Variants in APIP observed in about 807,000 individuals in gnomAD.
APIP encodes the protein methylthioribulose-1-phosphate dehydratase.
APIP carries 32 observed loss-of-function variants against 32.0 expected under a neutral mutation model. The ratio of observed to expected loss-of-function variants is 1.00; its 90% CI spans 0.76 to 1.34. The LOEUF is 1.34. Among genes scored for constraint, APIP ranks in the 40% most tolerant of loss-of-function variants. The pLI is 0.00. For missense variants in APIP, 247 were observed against 298.6 expected (o/e 0.83, Z 1.27); for synonymous variants, 92 against 94.8 (o/e 0.97, Z 0.17).
chr11:34,883,924 G>A (rs985715726), intron 5 of APIP, among the ~76,000 whole-genome samples: 4 of 152,146 alleles, frequency 2.6e-5, no homozygotes, highest in African/African-American at 9.7e-5. Flanking sequence ...CAAAATCACT[G>A]TATTTCATTT....
chr11:34,900,776 A>G (rs1284843763), intron 1 of APIP, among the ~76,000 whole-genome samples: 1 of 152,100 alleles, frequency 6.6e-6, no homozygotes. Flanking sequence ...AACACCAGTA[A>G]CTCAGGAAAT....
chr11:34,910,091 A>G (rs184532880), intron 1 of APIP, among the ~76,000 whole-genome samples: 1 of 152,360 alleles, frequency 6.6e-6, no homozygotes, highest in East Asian at 1.9e-4. Context: ...GCTGTTGGGC[A>G]GCAGTAAGTG....
intron 2 of APIP, among the ~76,000 whole-genome samples, chr11:34,894,051 G>A (rs1050549639): frequency 5.3e-5 from 8 of 152,028 alleles, no homozygotes; most frequent in Non-Finnish European, 1.2e-4. Context: ...ATCCTGTATT[G>A]GAAATCCTTG....
At chr11:34,891,078 C>CT (rs35733050) in intron 2 of APIP, among the ~76,000 whole-genome samples, 2 of 152,138 alleles carry the variant, frequency 1.3e-5, no homozygotes. Context: ...CACTGGGCTA[C>CT]TTTTTGGATA....
intron 6 of APIP, among the ~76,000 whole-genome samples, chr11:34,883,053 A>T (rs966821428): frequency 6.6e-6 from 1 of 152,240 alleles, no homozygotes; most frequent in Non-Finnish European, 1.5e-5. Flanking sequence ...AGTTTAAAAT[A>T]TACTGCCTAC....
chr11:34,888,573 A>T lies in APIP; in HGVS notation c.326-145T>A, dbSNP rs535567205. The T allele has an allele frequency of 1.8e-5, 23 of 1,293,508 alleles. No individual in the cohort carries two copies. In the African/African-American group the frequency reaches 3.2e-4, roughly 18 times the overall value. The allele number at this position is 1,293,508 out of a possible 1,614,324, so 80.1% of individuals were successfully genotyped here. A position where few individuals can be genotyped will look rare whatever the true frequency, so the allele number is the denominator to read the frequency against. On this transcript the variant is annotated intron_variant, in intron 4 of 6. Transcript: ENST00000395787. ...ATGGAATAAGTTGGTAGTAGGCAGG[A>T]GGGTAAGTGGAATAATGGACCTTCC... is the stretch of plus-strand genomic sequence containing the variant.
chr11:34,894,781 T>C (rs553144706), intron 2 of APIP, among the ~76,000 whole-genome samples: 3 of 152,368 alleles, frequency 2.0e-5, no homozygotes, highest in Non-Finnish European at 4.4e-5. Flanking sequence ...TATTAAGTTA[T>C]TGTGATTTGA....
intron 1 of APIP, 99 bp from the exon 2 acceptor site, chr11:34,895,209 G>A: frequency 1.0e-6 from 1 of 1,001,074 alleles, no homozygotes; most frequent in South Asian, 1.4e-5. Flanking sequence ...GAAAGTTTAA[G>A]AAAACATACT....
At chr11:34,883,211 A>G (rs1485447313) in intron 6 of APIP, 126 bp downstream of exon 6, 1 of 1,020,738 alleles carries the variant, frequency 9.8e-7, no homozygotes, top group Non-Finnish European at 1.4e-6. Flanking sequence ...GAATGGATAC[A>G]TAATAAAAAT....
intron 2 of APIP, 79 bp from the exon 3 acceptor site, chr11:34,890,631 C>T: frequency 2.1e-6 from 3 of 1,453,114 alleles, no homozygotes; most frequent in South Asian, 2.4e-5. Context: ...TCCAATCATG[C>T]ATGTTCTTTA....
chr11:34,885,714 C>G (rs2956089), intron 5 of APIP, among the ~76,000 whole-genome samples: 56,646 of 151,942 alleles, frequency 0.37, 10,946 homozygotes, highest in East Asian at 0.74. Flanking sequence ...CCTCAGCAAA[C>G]CTTTTGGTGG....
At chr11:34,890,677 T>C in intron 2 of APIP, 125 bp from the exon 3 acceptor site, 1 of 1,002,746 alleles carries the variant, frequency 1.0e-6, no homozygotes. Context: ...TTGATTTAAT[T>C]ATGGATTTTG....
chr11:34,916,152 C>A (rs1853680964), intron 1 of APIP, 76 bp downstream of exon 1: 23 of 1,547,770 alleles, frequency 1.5e-5, no homozygotes, highest in Non-Finnish European at 1.8e-5. Flanking sequence ...CGCTACCCTG[C>A]GCCCAGCTCC....
chr11:34,916,215 G>GC lies in APIP; in HGVS notation c.57+12dup, dbSNP rs1159425995. 68 of 1,607,010 alleles carry GC rather than the reference G, an allele frequency of 4.2e-5. No individual in the cohort carries two copies. Among genetic ancestry groups the GC allele is most frequent in the Non-Finnish European group, 5.3e-5 (63 of 1,177,954 alleles). Reference sequence around the variant, plus strand: ...CTCCTGGGAATACCGGGCACCGGTGGCCCCGCCCCTACCTGCGCGCCGCAT... The same window carrying GC: ...CTCCTGGGAATACCGGGCACCGGTGGCCCCCGCCCCTACCTGCGCGCCGCAT... On this transcript the variant is annotated intron_variant, in intron 1 of 6. Transcript: ENST00000395787.
Position 34,882,813 on chromosome 11 carries a change from A to C in APIP, c.633T>G (p.Cys211Trp). ...GETWEKAKTM[C>W]ECYDYLFDIA... ...TATCAAATAAATAGTCATAACACTC[A>C]CACCTGTAAAAGAAAAAGCAAAAAG... The change falls in exon 7 of 7, where the codon TGT (cysteine) becomes TGG (tryptophan). Residue 211 changes from cysteine to tryptophan, a missense_variant. Transcript: ENST00000395787. 1 of 1,600,992 alleles carries C rather than the reference A, an allele frequency of 6.2e-7. No individual in the cohort carries two copies. The highest frequency in any genetic ancestry group is 8.5e-7 in the Non-Finnish European group (1 of 1,171,696).
At chr11:34,884,389 G>T (rs1177663679) in intron 5 of APIP, among the ~76,000 whole-genome samples, 2 of 152,172 alleles carry the variant, frequency 1.3e-5, no homozygotes, top group African/African-American at 4.8e-5. Flanking sequence ...GTATAGAGTT[G>T]CCCATCACTT....
Position 34,888,340 on chromosome 11 carries a change from T to C in APIP, c.414A>G (p.Gln138=), listed in dbSNP as rs1054307958. Residue 138 remains glutamine (Q), a synonymous_variant, in exon 5 of 7, where the codon CAA becomes CAG. Transcript: ENST00000395787. Reference sequence around the variant, plus strand: ...ATTTCTTTATTCCTTTTATCATCTCTTGATGTGTAATTTTAAACTCCCGTC... The same window carrying C: ...ATTTCTTTATTCCTTTTATCATCTCCTGATGTGTAATTTTAAACTCCCGTC... ...FPGREFKITH[Q]EMIKGIKKCT... is the part of the protein sequence containing the mutation. 4 of 1,610,844 alleles carry C rather than the reference T, an allele frequency of 2.5e-6. No individual in the cohort carries two copies. Among genetic ancestry groups the C allele is most frequent in the Non-Finnish European group, 2.5e-6 (3 of 1,178,528 alleles).
At position 34,905,198 on chromosome 11, in the gene APIP, C is replaced by T. The variant is rs576623537; in HGVS notation, c.58-10088G>A. Among the ~76,000 whole-genome samples the T allele has an allele frequency of 2.1e-3, 318 of 152,328 alleles. 3 individuals are homozygous for T. Among genetic ancestry groups the T allele is most frequent in the African/African-American group, 7.3e-3 (302 of 41,572 alleles). On this transcript the variant is annotated intron_variant, in intron 1 of 6. Coordinates refer to ENST00000395787, the MANE Select transcript of APIP (RefSeq NM_015957.4). ...ATAACAGTTATGAAAAGGAAGTAAA[C>T]ATGAGCGTTTTACTATCACTCAGTC... is the stretch of plus-strand genomic sequence containing the variant.
intron 2 of APIP, among the ~76,000 whole-genome samples, chr11:34,893,821 C>T (rs903218867): frequency 2.0e-5 from 3 of 152,168 alleles, no homozygotes; most frequent in Non-Finnish European, 4.4e-5. Context: ...CCCTTTTGTT[C>T]CCAATGTTCT....
Sources: gnomAD v4.1 joint callset for allele counts (sites outside exome capture counted in the v4.1 genomes callset) on GRCh38, gnomAD v4.1.1 for gene constraint, MANE v1.5 for transcripts, NCBI Gene and HGNC (gene_info 2026-07-23, HGNC 2026-07-21) for gene names.